The following THSD7B variants were observed in gnomAD, a reference collection of about 807,000 sequenced individuals.
THSD7B encodes thrombospondin type-1 domain-containing protein 7B.
Under a neutral mutation model 213.6 loss-of-function variants are expected in THSD7B, and 138 were observed. That is an observed-to-expected ratio of 0.65 (90% CI 0.56 to 0.74). The LOEUF is 0.74. Ranked by LOEUF, THSD7B falls within the 30% of genes least tolerant of loss-of-function variation. The pLI, the probability that THSD7B is intolerant of heterozygous loss-of-function variation, is 0.00. For synonymous variants in THSD7B, 742 were observed against 687.0 expected (o/e 1.08, Z -1.25); for missense variants, 1,931 against 1,991.5 (o/e 0.97, Z 0.58).
At chr2:137,282,174 A>G (rs1274582022) in intron 12 of THSD7B, among the ~76,000 whole-genome samples, 4 of 151,686 alleles carry the variant, frequency 2.6e-5, no homozygotes, top group Non-Finnish European at 5.9e-5. Flanking sequence ...GCATTTTTTC[A>G]TGTGTTTTTT....
At chr2:137,585,856 C>A (rs189338724) in intron 17 of THSD7B, among the ~76,000 whole-genome samples, 1 of 151,962 alleles carries the variant, frequency 6.6e-6, no homozygotes, top group African/African-American at 2.4e-5. Flanking sequence ...CTATTAGGTC[C>A]GCTTGGTGCA....
chr2:136,925,267 G>A (rs1684504226), intron 2 of THSD7B, among the ~76,000 whole-genome samples: 1 of 152,138 alleles, frequency 6.6e-6, no homozygotes, highest in South Asian at 2.1e-4. Context: ...TAGAAGAAAA[G>A]CTTTTAGTTT....
chr2:136,959,401 T>C (rs1685181591), intron 2 of THSD7B, among the ~76,000 whole-genome samples: 1 of 152,200 alleles, frequency 6.6e-6, no homozygotes, highest in Admixed American at 6.5e-5. Context: ...ACTGCACTCA[T>C]GTCCTTCCTA....
chr2:137,454,436 A>G (rs112705727), intron 15 of THSD7B, among the ~76,000 whole-genome samples: 14,703 of 112,858 alleles, frequency 0.13, 772 homozygotes, highest in African/African-American at 0.17. Context: ...CTATCTATCT[A>G]TCTATCTATC....
intron 1 of THSD7B, among the ~76,000 whole-genome samples, chr2:136,859,985 C>T (rs1683234561): frequency 6.9e-6 from 1 of 145,502 alleles, no homozygotes; most frequent in South Asian, 2.5e-4. Flanking sequence ...CCCAGTTTTA[C>T]ATTGGAGTAG....
intron 12 of THSD7B, among the ~76,000 whole-genome samples, chr2:137,291,853 A>G (rs1683347347): frequency 6.6e-6 from 1 of 152,178 alleles, no homozygotes; most frequent in African/African-American, 2.4e-5. Context: ...ATGAATTTAC[A>G]TGAGACTGAG....
chr2:136,903,663 GATTCTAA>G (rs1684099208), intron 2 of THSD7B, among the ~76,000 whole-genome samples: 1 of 152,144 alleles, frequency 6.6e-6, no homozygotes, highest in Non-Finnish European at 1.5e-5. Flanking sequence ...AAGGATCAGT[GATTCTAA>G]GTTGCACAGA....
chr2:137,470,926 T>C (rs78852771), intron 15 of THSD7B, among the ~76,000 whole-genome samples: 1 of 147,180 alleles, frequency 6.8e-6, no homozygotes, highest in Admixed American at 6.8e-5. Context: ...TTTTTTTTTT[T>C]TTTTCTTTTT....
chr2:137,105,045 C>A (rs1688221060), intron 4 of THSD7B, among the ~76,000 whole-genome samples: 1 of 152,186 alleles, frequency 6.6e-6, no homozygotes, highest in Non-Finnish European at 1.5e-5. Flanking sequence ...GGAATCCTCC[C>A]TAACACATTT....
intron 12 of THSD7B, among the ~76,000 whole-genome samples, chr2:137,382,546 C>A (rs1334274950): frequency 6.6e-6 from 1 of 152,218 alleles, no homozygotes; most frequent in African/African-American, 2.4e-5. Flanking sequence ...AAACAGCTAG[C>A]AGCTATATAT....
At chr2:137,128,666 G>A (rs543118733) in intron 5 of THSD7B, among the ~76,000 whole-genome samples, 5 of 152,294 alleles carry the variant, frequency 3.3e-5, no homozygotes, top group African/African-American at 4.8e-5. Context: ...CCTAGGGCCC[G>A]TGCCTTAAAC....
At position 137,676,608 on chromosome 2, in the gene THSD7B, T is replaced by C. The variant is rs1474132482; in HGVS notation, c.*3T>C. Reference sequence around the variant, plus strand: ...ACGATGGAGACTTAGACATGTAATCTGAAAAAGAAATCCAAATGTAGACAT... The same window carrying C: ...ACGATGGAGACTTAGACATGTAATCCGAAAAAGAAATCCAAATGTAGACAT... On this transcript the variant is annotated 3_prime_UTR_variant, in exon 28 of 28. Coordinates refer to ENST00000409968, the MANE Select transcript of THSD7B (RefSeq NM_001316349.2). The C allele has an allele frequency of 1.9e-6, 3 of 1,565,114 alleles. No individual in the cohort carries two copies. Among genetic ancestry groups the C allele is most frequent in the South Asian group, 2.4e-5 (2 of 83,274 alleles).
intron 12 of THSD7B, among the ~76,000 whole-genome samples, chr2:137,360,027 G>A (rs1314483061): frequency 6.6e-6 from 1 of 152,114 alleles, no homozygotes; most frequent in African/African-American, 2.4e-5. Context: ...ATATTAAATG[G>A]GCAACTGCTA....
intron 3 of THSD7B, among the ~76,000 whole-genome samples, chr2:137,072,944 G>C (rs1687529076): frequency 6.6e-6 from 1 of 152,118 alleles, no homozygotes; most frequent in East Asian, 1.9e-4. Context: ...TTGCATCCCA[G>C]GGATGAAGCC....
chr2:137,586,187 G>C (rs1681722238), intron 17 of THSD7B, among the ~76,000 whole-genome samples: 1 of 152,032 alleles, frequency 6.6e-6, no homozygotes. Flanking sequence ...CCATTTGCTT[G>C]GTAGATCTTC....
chr2:136,787,920 A>G (rs773372636), intron 1 of THSD7B, among the ~76,000 whole-genome samples: 2 of 152,104 alleles, frequency 1.3e-5, no homozygotes, highest in Non-Finnish European at 2.9e-5. Flanking sequence ...TGGCTCTCAG[A>G]TCTGTGATTA....
chr2:137,274,106 A>G (rs371357059), intron 11 of THSD7B, among the ~76,000 whole-genome samples: 12 of 151,446 alleles, frequency 7.9e-5, no homozygotes, highest in Non-Finnish European at 1.3e-4. Context: ...CTGTGTATGA[A>G]TTGGATCATT....
intron 17 of THSD7B, among the ~76,000 whole-genome samples, chr2:137,612,327 C>G (rs1020243710): frequency 1.3e-5 from 2 of 152,052 alleles, no homozygotes; most frequent in African/African-American, 4.8e-5. Context: ...ACTCTGAGGC[C>G]CAAGCCCATA....
At chr2:137,073,357 A>C (rs1021771810) in intron 3 of THSD7B, among the ~76,000 whole-genome samples, 3 of 152,190 alleles carry the variant, frequency 2.0e-5, no homozygotes, top group Admixed American at 6.5e-5. Context: ...CGAGGAATTT[A>C]TCCATTTCTT....
Sources: gnomAD v4.1 joint callset for allele counts (sites outside exome capture counted in the v4.1 genomes callset) on GRCh38, gnomAD v4.1.1 for gene constraint, MANE v1.5 for transcripts, NCBI Gene and HGNC (gene_info 2026-07-23, HGNC 2026-07-21) for gene names.